Variants in RPS6KA2 observed in about 807,000 individuals in gnomAD.
RPS6KA2 encodes the protein ribosomal protein S6 kinase alpha-2.
A neutral mutation model predicts 91.8 loss-of-function variants in RPS6KA2; 42 were observed. That is an observed-to-expected ratio of 0.46 (90% CI 0.36 to 0.59). The LOEUF (loss-of-function observed/expected upper bound fraction) is 0.59, where lower values mean the gene tolerates loss of function less well. Among genes scored for constraint, RPS6KA2 ranks in the 20% least tolerant of loss-of-function variants. RPS6KA2 has a pLI of 0.00. For synonymous variants in RPS6KA2, 414 were observed against 393.6 expected, an observed-to-expected ratio of 1.05 and a Z score of -0.61; for missense variants, 798 against 978.5, an observed-to-expected ratio of 0.82 and a Z score of 2.46.
At chr6:166,528,877 T>A (rs1402149392) in intron 3 of RPS6KA2, among the ~76,000 whole-genome samples, 1 of 152,072 alleles carries the variant, frequency 6.6e-6, no homozygotes, top group Non-Finnish European at 1.5e-5. Context: ...TGAGATACCA[T>A]CTCACAGCAG....
intron 2 of RPS6KA2, among the ~76,000 whole-genome samples, chr6:166,806,779 T>C (rs1396968448): frequency 6.6e-6 from 1 of 150,574 alleles, no homozygotes; most frequent in African/African-American, 2.5e-5. Context: ...GTTTGTTTTC[T>C]ACAAGAGATT....
At chr6:166,503,027 T>C (rs1483834367) in intron 6 of RPS6KA2, among the ~76,000 whole-genome samples, 3 of 152,248 alleles carry the variant, frequency 2.0e-5, no homozygotes, top group Non-Finnish European at 4.4e-5. Flanking sequence ...AATTCATTTA[T>C]GTTTCATATA....
Position 166,495,955 on chromosome 6 carries a change from CT to C in RPS6KA2, c.747+2552del, listed in dbSNP as rs1431348962. Among the ~76,000 whole-genome samples the C allele has an allele frequency of 6.6e-6, 1 of 152,232 alleles. No individual in the cohort carries two copies. The highest frequency in any genetic ancestry group is 6.5e-5 in the Admixed American group (1 of 15,292). The stretch of plus-strand genomic sequence containing the variant: ...GTCTCATTTCCTCTTCTTCTGGCCC[CT>C]CGTCGTGTCTCCATCTTTGGATCAT... On this transcript the variant is annotated intron_variant, in intron 8 of 20. Transcript: ENST00000265678. The surrounding 1 kb of genome is among the most constrained non-coding windows in gnomAD (Gnocchi z 4.4).
intron 3 of RPS6KA2, among the ~76,000 whole-genome samples, chr6:166,515,016 C>T (rs1782597634): frequency 6.6e-6 from 1 of 152,076 alleles, no homozygotes; most frequent in Non-Finnish European, 1.5e-5. Context: ...AACGCCCACC[C>T]CACAGCAGCA....
rs1254863922 is a variant in RPS6KA2 at position 166,626,873 on chromosome 6, G to A, written c.99+48C>T. ...GGCGAGGCGGGCTCGGGCGACCACGGCCCGCTCAGTGCCCGGCACCTGCGC... is the reference window on the plus strand; with the variant it reads ...GGCGAGGCGGGCTCGGGCGACCACGACCCGCTCAGTGCCCGGCACCTGCGC... On this transcript the variant is annotated intron_variant, in intron 1 of 20. Coordinates refer to ENST00000265678, the MANE Select transcript of RPS6KA2 (RefSeq NM_021135.6). This position sits in a 1 kb window ranked among gnomAD's most constrained non-coding sequence, Gnocchi z 4.1. 1.4e-6 allele frequency: 2 copies of A among 1,399,680 alleles called. No homozygotes were observed. The highest frequency in any genetic ancestry group is 9.4e-7 in the Non-Finnish European group (1 of 1,063,944). 86.7% of individuals were successfully genotyped at this position (1,399,680 alleles called of 1,614,324 possible). A position where few individuals can be genotyped will look rare whatever the true frequency, so the allele number is the denominator to read the frequency against.
At chr6:166,718,226 C>T (rs930461765) in intron 2 of RPS6KA2, among the ~76,000 whole-genome samples, 2 of 152,154 alleles carry the variant, frequency 1.3e-5, no homozygotes, top group African/African-American at 4.8e-5. Flanking sequence ...TTTCTGAGCT[C>T]CAGGCACAAA....
At chr6:166,640,836 G>A (rs1233052506) in intron 2 of RPS6KA2, among the ~76,000 whole-genome samples, 2 of 152,046 alleles carry the variant, frequency 1.3e-5, no homozygotes, top group Non-Finnish European at 1.5e-5. Flanking sequence ...GATCCGAGTC[G>A]GCATTCCCAT....
chr6:166,553,514 TAA>T lies in RPS6KA2; in HGVS notation c.100-14732_100-14731del, dbSNP rs11348364. The stretch of plus-strand genomic sequence containing the variant: ...GCTTGGGAAAGAAACAGGAGTCATT[TAA>T]AAAAAAAAAAAAAGGCACCCACTCG... On this transcript the variant is annotated intron_variant, in intron 1 of 20. Coordinates refer to ENST00000265678, the MANE Select transcript of RPS6KA2 (RefSeq NM_021135.6). Among the ~76,000 whole-genome samples the T allele has an allele frequency of 1.7e-3, 225 of 136,232 alleles. 1 individual carries two copies. The highest frequency in any genetic ancestry group is 5.0e-3 in the African/African-American group (185 of 36,942). 89.4% of individuals were successfully genotyped at this position (136,232 alleles called of 152,430 possible). A position where few individuals can be genotyped will look rare whatever the true frequency, so the allele number is the denominator to read the frequency against.
In RPS6KA2 at chr6:166,822,142, A is replaced by G. The variant is rs143527748; in HGVS notation, c.123+36058T>C. 3.1e-3 allele frequency among the ~76,000 whole-genome samples: 472 copies of G among 152,278 alleles called. 3 individuals carry two copies. The highest frequency in any genetic ancestry group is 0.011 in the African/African-American group (453 of 41,542). The stretch of plus-strand genomic sequence containing the variant: ...TTGCAGAACAGCTGCAGTGGATTTT[A>G]AAGAAAATCTGACTCTAGCAATTCC... On this transcript the variant is annotated intron_variant, in intron 2 of 21. Transcript: ENST00000503859.
chr6:166,599,211 G>A (rs1785645092), intron 1 of RPS6KA2, among the ~76,000 whole-genome samples: 1 of 152,174 alleles, frequency 6.6e-6, no homozygotes, highest in African/African-American at 2.4e-5. Flanking sequence ...CTACAGACAG[G>A]GAGATTGGAA....
intron 10 of RPS6KA2, among the ~76,000 whole-genome samples, chr6:166,480,515 AATATATTT>A (rs1781174252): frequency 1.2e-5 from 1 of 84,366 alleles, no homozygotes; most frequent in South Asian, 3.6e-4. Flanking sequence ...ATATATATAT[AATATATTT>A]TTTTTTTTTG....
At chr6:166,857,579 C>G (rs1562474114) in intron 2 of RPS6KA2, among the ~76,000 whole-genome samples, 1 of 152,228 alleles carries the variant, frequency 6.6e-6, no homozygotes, top group Non-Finnish European at 1.5e-5. Context: ...CTGGATCAGG[C>G]CCATGCTCCT....
At position 166,456,356 on chromosome 6, in the gene RPS6KA2, A is replaced by C. The variant is rs367782907; in HGVS notation, c.1075+3093T>G. On this transcript the variant is annotated intron_variant, in intron 12 of 20. Coordinates refer to ENST00000265678, the MANE Select transcript of RPS6KA2 (RefSeq NM_021135.6). Reference sequence around the variant, plus strand: ...AATCACCTGAGGGATGCCGATTTTCAGCACAGTATTTAAGAAGAGCAAAAT... The same window carrying C: ...AATCACCTGAGGGATGCCGATTTTCCGCACAGTATTTAAGAAGAGCAAAAT... Among the ~76,000 whole-genome samples the C allele has an allele frequency of 4.4e-3, 666 of 152,264 alleles. 7 individuals carry two copies. The highest frequency in any genetic ancestry group is 0.014 in the African/African-American group (600 of 41,490).
At chr6:166,809,850 A>G (rs1240172577) in intron 2 of RPS6KA2, among the ~76,000 whole-genome samples, 3 of 152,238 alleles carry the variant, frequency 2.0e-5, no homozygotes, top group Non-Finnish European at 4.4e-5. Context: ...ACGCAGGCCC[A>G]TGGATGCATG....
Position 166,565,913 on chromosome 6 carries a change from G to A in RPS6KA2, c.100-27129C>T, listed in dbSNP as rs929297982. ...ACTGCAGCCAGCACTGCCAGGCAGCGACATCACAGGAGGACATTTCTAACA... is the reference window on the plus strand; with the variant it reads ...ACTGCAGCCAGCACTGCCAGGCAGCAACATCACAGGAGGACATTTCTAACA... On this transcript the variant is annotated intron_variant, in intron 1 of 20. Coordinates refer to ENST00000265678, the MANE Select transcript of RPS6KA2 (RefSeq NM_021135.6). Among the ~76,000 whole-genome samples the A allele has an allele frequency of 2.2e-4, 33 of 152,234 alleles. 1 individual carries two copies. Among genetic ancestry groups the A allele is most frequent in the Admixed American group, 1.9e-3 (29 of 15,286 alleles).
chr6:166,741,640 T>A (rs773064356), intron 2 of RPS6KA2, among the ~76,000 whole-genome samples: 1 of 152,322 alleles, frequency 6.6e-6, no homozygotes, highest in African/African-American at 2.4e-5. Flanking sequence ...GTACCCTAAG[T>A]ATGCAAGCCA....
At chr6:166,511,719 C>A (rs1403642713) in intron 3 of RPS6KA2, among the ~76,000 whole-genome samples, 1 of 152,122 alleles carries the variant, frequency 6.6e-6, no homozygotes, top group Admixed American at 6.5e-5. Context: ...ATATTTAGGA[C>A]TTGTGATACA....
rs552712713 is a variant in RPS6KA2, at chr6:166,495,351, A to G, written c.747+3157T>C. 6.6e-6 allele frequency among the ~76,000 whole-genome samples: 1 copy of G among 152,328 alleles called. No individual in the cohort carries two copies. The highest frequency in any genetic ancestry group is 1.9e-4 in the East Asian group (1 of 5,186). Reference sequence around the variant, plus strand: ...ACCCCTTCCCCAGCTGTCACGAGACATTGAATGCGGGACGATCCCAGCAAA... The same window carrying G: ...ACCCCTTCCCCAGCTGTCACGAGACGTTGAATGCGGGACGATCCCAGCAAA... On this transcript the variant is annotated intron_variant, in intron 8 of 20. Coordinates refer to ENST00000265678, the MANE Select transcript of RPS6KA2 (RefSeq NM_021135.6). This position sits in a 1 kb window ranked among gnomAD's most constrained non-coding sequence, Gnocchi z 4.4.
chr6:166,512,604 T>G (rs1782508402), intron 3 of RPS6KA2, among the ~76,000 whole-genome samples: 2 of 152,242 alleles, frequency 1.3e-5, no homozygotes, highest in East Asian at 1.9e-4. Context: ...GGGACAGTTT[T>G]GCTTTCCCGT....
Sources: gnomAD v4.1 joint callset for allele counts (sites outside exome capture counted in the v4.1 genomes callset) on GRCh38, gnomAD v4.1.1 for gene constraint, Gnocchi (gnomAD v3.1) non-coding constraint, MANE v1.5 for transcripts, NCBI Gene and HGNC (gene_info 2026-07-23, HGNC 2026-07-21) for gene names.